PUS10: variants seen among roughly 807,000 people sequenced by gnomAD.
The protein encoded by PUS10 is pseudouridine synthase 10, also known as tRNA pseudouridine synthase Pus10.
In PUS10, 59 loss-of-function variants were observed where a neutral mutation model predicts 75.0. That is an observed-to-expected ratio of 0.79 (90% confidence interval 0.64 to 0.98). The LOEUF (loss-of-function observed/expected upper bound fraction) is 0.98, where lower values mean the gene tolerates loss of function less well. PUS10 is among the 50% of genes least tolerant of loss of function. PUS10 has a pLI of 0.00. For synonymous variants in PUS10, 219 were observed against 211.6 expected (o/e 1.03, Z -0.30); for missense variants, 650 against 614.4 (o/e 1.06, Z -0.61).
At chr2:60,984,362 T>C (rs1172054813) in intron 4 of PUS10, among the ~76,000 whole-genome samples, 1 of 152,172 alleles carries the variant, frequency 6.6e-6, no homozygotes, top group Non-Finnish European at 1.5e-5. Flanking sequence ...AATCAAATAG[T>C]ACAAGTGTGA....
intron 14 of PUS10, among the ~76,000 whole-genome samples, chr2:60,953,687 T>A (rs1675478779): frequency 6.6e-6 from 1 of 152,248 alleles, no homozygotes; most frequent in East Asian, 1.9e-4. Context: ...TTCTCTTGTA[T>A]ATATAATATC....
rs925795336 is a variant in PUS10 at position 60,960,408 on chromosome 2, T to C, written c.984A>G (p.Ala328=). ...VEELISDHLL[A]VFKAESFNFS... The stretch of plus-strand genomic sequence containing the variant: ...AACACTTACTCTCTGCTTTAAATAC[T>C]GCCAACAGATGATCTGAAATTAATT... The change falls in exon 11 of 18, where the codon GCA becomes GCG. Residue 328 remains alanine (A), a synonymous_variant. Transcript: ENST00000316752. 1.3e-6 allele frequency: 2 copies of C among 1,557,268 alleles called. No homozygotes were observed. Among genetic ancestry groups the C allele is most frequent in the Non-Finnish European group, 1.7e-6 (2 of 1,160,764 alleles).
chr2:60,965,595 A>C, intron 6 of PUS10, 111 bp from the exon 7 acceptor site: 1 of 765,018 alleles, frequency 1.3e-6, no homozygotes, highest in East Asian at 2.7e-5. Flanking sequence ...AAGAATGACC[A>C]GAAAAACTGG....
intron 5 of PUS10, among the ~76,000 whole-genome samples, chr2:60,967,839 A>G (rs2104389739): frequency 6.6e-6 from 1 of 152,236 alleles, no homozygotes; most frequent in East Asian, 1.9e-4. Context: ...AATGGCATAT[A>G]ACACAATTTT....
intron 8 of PUS10, among the ~76,000 whole-genome samples, chr2:60,964,355 A>G (rs1347960214): frequency 1.3e-5 from 2 of 152,234 alleles, no homozygotes; most frequent in African/African-American, 4.8e-5. Flanking sequence ...TAACAATCAC[A>G]ACAACAAAAT....
intron 4 of PUS10, among the ~76,000 whole-genome samples, chr2:60,986,643 C>A (rs1677739023): frequency 1.4e-4 from 21 of 152,164 alleles, no homozygotes. Context: ...AAGCAATACA[C>A]CAAAAACTTC....
chr2:60,953,234 T>G, intron 14 of PUS10, 120 bp from the exon 15 acceptor site: 2 of 647,230 alleles, frequency 3.1e-6, no homozygotes, highest in Non-Finnish European at 5.5e-6. Context: ...AACTGTACAA[T>G]TCAATGATTT....
In PUS10 at chr2:61,008,783, C is replaced by G. The variant is rs1365620948; in HGVS notation, c.359G>C (p.Cys120Ser). 6.3e-7 allele frequency: 1 copy of G among 1,585,078 alleles called. No individual in the cohort carries two copies. The change falls in exon 3 of 18, where the codon TGT becomes TCT. Residue 120 changes from cysteine to serine, a missense_variant. Cys to Ser is a moderately radical substitution (Grantham distance 112, BLOSUM62 -1). Coordinates refer to ENST00000316752, the MANE Select transcript of PUS10 (RefSeq NM_144709.4). ...TACCTTTTTAATGAAATCTTTCTCACAGAATTCTTGAAGAATTCCTAGGCA... is the reference window on the plus strand; with the variant it reads ...TACCTTTTTAATGAAATCTTTCTCAGAGAATTCTTGAAGAATTCCTAGGCA... ...NVCLGILQEF[C>S]EKDFIKKVCQ...
At chr2:60,965,216 C>G in intron 7 of PUS10, 113 bp from the exon 8 acceptor site, 2 of 1,100,618 alleles carry the variant, frequency 1.8e-6, no homozygotes, top group Non-Finnish European at 2.7e-6. Context: ...CAGGAGCAGA[C>G]AAAATGAGTC....
rs777449880 is a variant in PUS10 at position 60,948,143 on chromosome 2, G to A, written c.1351C>T (p.Arg451Ter). 6 of 1,614,080 alleles carry A rather than the reference G, an allele frequency of 3.7e-6. No individual in the cohort carries two copies. The South Asian group carries it at 6.6e-5, about 18-fold the overall frequency. The stretch of plus-strand genomic sequence containing the variant: ...CGAGCTCGCACAGCCAGGGGCCTTC[G>A]GTGAAGGACGCGCAAAGGTGTTTTC... ...DQKTPLRVLH[R>*]RPLAVRARVI... is the part of the protein sequence containing the mutation. Residue 451 changes from arginine to a stop codon, truncating the protein, a stop_gained, in exon 16 of 18, where the codon CGA (arginine) becomes TGA (stop). Coordinates refer to ENST00000316752, the MANE Select transcript of PUS10 (RefSeq NM_144709.4). LOFTEE classifies it high-confidence loss of function.
intron 11 of PUS10, among the ~76,000 whole-genome samples, chr2:60,956,701 T>C (rs111387016): frequency 0.015 from 2,232 of 151,518 alleles, 45 homozygotes; most frequent in African/African-American, 0.05. Flanking sequence ...CCAGGCTGGG[T>C]GCGGTGGCTC....
At chr2:60,949,069 T>C (rs1054615187) in intron 15 of PUS10, among the ~76,000 whole-genome samples, 2 of 152,178 alleles carry the variant, frequency 1.3e-5, no homozygotes, top group African/African-American at 4.8e-5. Flanking sequence ...GAGCAAGTTC[T>C]GACAAAGACC....
At chr2:60,987,293 A>G (rs1454661172) in intron 4 of PUS10, among the ~76,000 whole-genome samples, 3 of 152,248 alleles carry the variant, frequency 2.0e-5, no homozygotes, top group Non-Finnish European at 2.9e-5. Flanking sequence ...ACGGGAAAGG[A>G]GAAAGGCAGG....
chr2:60,995,675 G>A (rs759358222), intron 4 of PUS10, among the ~76,000 whole-genome samples: 15 of 152,236 alleles, frequency 9.9e-5, no homozygotes, highest in Non-Finnish European at 1.5e-4. Context: ...GTGCTAATAC[G>A]TTCAATTTCA....
In PUS10 at chr2:60,962,907, G is replaced by T. The variant is rs545103368; in HGVS notation, c.724-17C>A. The T allele has an allele frequency of 9.1e-6, 14 of 1,532,660 alleles. No individual in the cohort carries two copies. In the South Asian group the frequency reaches 1.8e-4, roughly 19 times the overall value. 94.9% of individuals were successfully genotyped at this position (1,532,660 alleles called of 1,614,324 possible). A position where few individuals can be genotyped will look rare whatever the true frequency, so the allele number is the denominator to read the frequency against. On this transcript the variant is annotated splice_polypyrimidine_tract_variant and intron_variant, in intron 8 of 17. Transcript: ENST00000316752. ...GAATACAGACTATATAGGGTAAAAT[G>T]AGAAGAAAAGACATTTTATTATCCA...
intron 4 of PUS10, among the ~76,000 whole-genome samples, chr2:60,971,894 G>A (rs182709418): frequency 0.011 from 1,375 of 128,936 alleles, 29 homozygotes; most frequent in African/African-American, 0.038. Flanking sequence ...TTTTTGAGAC[G>A]GAGTCTCGCT....
intron 1 of PUS10, among the ~76,000 whole-genome samples, chr2:61,014,203 A>C (rs371836392): frequency 4.6e-5 from 7 of 152,140 alleles, no homozygotes; most frequent in East Asian, 1.9e-4. Context: ...GTAAAACCCT[A>C]TCTCTACTAA....
At chr2:60,999,244 G>A (rs988668521) in intron 4 of PUS10, among the ~76,000 whole-genome samples, 5 of 152,136 alleles carry the variant, frequency 3.3e-5, no homozygotes, top group African/African-American at 4.8e-5. Flanking sequence ...CCTAATATTA[G>A]CATATGTCTG....
chr2:60,970,809 C>T (rs527572566), intron 5 of PUS10, among the ~76,000 whole-genome samples: 4 of 152,186 alleles, frequency 2.6e-5, no homozygotes, highest in Admixed American at 6.5e-5. Flanking sequence ...TGTGTAAACT[C>T]ACTGTTGTTC....
Sources: allele counts gnomAD v4.1 joint callset (sites outside exome capture counted in the v4.1 genomes callset), GRCh38; gene constraint gnomAD v4.1.1; transcripts MANE v1.5; gene names NCBI Gene and HGNC (gene_info 2026-07-23, HGNC 2026-07-21).